The following ADAMTS17 variants were observed in gnomAD, a reference collection of about 807,000 sequenced individuals.
The protein encoded by ADAMTS17 is A disintegrin and metalloproteinase with thrombospondin motifs 17.
In ADAMTS17, 113 loss-of-function variants were observed where a neutral mutation model predicts 141.5. That is an observed-to-expected ratio of 0.80 (90% CI 0.69 to 0.93). The LOEUF (loss-of-function observed/expected upper bound fraction) is 0.93, where lower values mean the gene tolerates loss of function less well. Ranked by LOEUF, ADAMTS17 falls within the 40% of genes least tolerant of loss-of-function variation. The pLI is 0.00. For synonymous variants in ADAMTS17, 768 were observed against 630.6 expected, an observed-to-expected ratio of 1.22 and a Z score of -3.27; for missense variants, 1,659 against 1,517.9, an observed-to-expected ratio of 1.09 and a Z score of -1.54.
chr15:100,234,175 A>T (rs527367373), intron 7 of ADAMTS17, among the ~76,000 whole-genome samples: 3 of 152,288 alleles, frequency 2.0e-5, no homozygotes, highest in Admixed American at 1.3e-4. Context: ...TTGAAGGTGG[A>T]GTGGACAGGC....
intron 6 of ADAMTS17, among the ~76,000 whole-genome samples, chr15:100,258,111 T>C (rs1443777550): frequency 6.6e-6 from 1 of 152,268 alleles, no homozygotes; most frequent in Non-Finnish European, 1.5e-5. Context: ...TGTTTACCCA[T>C]TCATCCATCA....
chr15:100,336,408 T>C (rs551401084), intron 2 of ADAMTS17, among the ~76,000 whole-genome samples: 4 of 152,338 alleles, frequency 2.6e-5, no homozygotes, highest in African/African-American at 9.6e-5. Context: ...TTCCCTCCAA[T>C]ACTTCCGTGC....
chr15:100,138,846 A>AC (rs904358636), intron 10 of ADAMTS17, among the ~76,000 whole-genome samples: 1 of 152,134 alleles, frequency 6.6e-6, no homozygotes, highest in East Asian at 1.9e-4. Flanking sequence ...CCCTCGTGTG[A>AC]CCCCCTCCTC....
chr15:100,268,120 G>C (rs1242407828), intron 4 of ADAMTS17, among the ~76,000 whole-genome samples: 1 of 109,198 alleles, frequency 9.2e-6, no homozygotes, highest in Non-Finnish European at 1.9e-5. Flanking sequence ...TTGCTGCAAA[G>C]GACGTGAGTT....
At chr15:100,212,062 A>G (rs1314156461) in intron 7 of ADAMTS17, among the ~76,000 whole-genome samples, 2 of 152,176 alleles carry the variant, frequency 1.3e-5, no homozygotes, top group Non-Finnish European at 2.9e-5. Context: ...GAATCTCGGT[A>G]GCCTCTTATG....
intron 21 of ADAMTS17, among the ~76,000 whole-genome samples, 190 bp from the exon 22 acceptor site, chr15:99,974,752 A>T (rs987944775): frequency 3.0e-4 from 45 of 152,316 alleles, no homozygotes; most frequent in African/African-American, 9.9e-4. Context: ...ACAGGGATGC[A>T]CCTTTGCATC....
chr15:99,973,795 GAGAC>G lies in ADAMTS17; in HGVS notation c.*603_*606del. ...ATATATAGATTTACACTCCACGCAC[GAGAC>G]TTCCAAGGCAACACCTAGGATTTAG... On this transcript the variant is annotated 3_prime_UTR_variant, in exon 22 of 22. Coordinates refer to ENST00000268070, the MANE Select transcript of ADAMTS17 (RefSeq NM_139057.4). The G allele has an allele frequency of 1.1e-5, 2 of 182,134 alleles. No homozygotes were observed. Among genetic ancestry groups the G allele is most frequent in the Non-Finnish European group, 2.3e-5 (2 of 85,872 alleles). 11.3% of individuals were successfully genotyped at this position (182,134 alleles called of 1,614,324 possible). A position where few individuals can be genotyped will look rare whatever the true frequency, so the allele number is the denominator to read the frequency against.
At chr15:100,250,091 G>A (rs1346210912) in intron 7 of ADAMTS17, among the ~76,000 whole-genome samples, 3 of 152,052 alleles carry the variant, frequency 2.0e-5, no homozygotes, top group East Asian at 1.9e-4. Flanking sequence ...AAAAAAGCAC[G>A]ATTTAAAACA....
intron 8 of ADAMTS17, among the ~76,000 whole-genome samples, chr15:100,174,740 T>G (rs1194812395): frequency 6.6e-6 from 1 of 152,224 alleles, no homozygotes; most frequent in Non-Finnish European, 1.5e-5. Flanking sequence ...CTCTGGATTT[T>G]GGCTCAAAGC....
intron 20 of ADAMTS17, among the ~76,000 whole-genome samples, chr15:99,985,742 G>C (rs902255876): frequency 2.0e-5 from 3 of 152,198 alleles, no homozygotes; most frequent in African/African-American, 7.2e-5. Flanking sequence ...CTGAACCTCA[G>C]CTTGCTCATC....
chr15:99,975,750 C>T (rs929552128), intron 21 of ADAMTS17, among the ~76,000 whole-genome samples: 9 of 152,196 alleles, frequency 5.9e-5, no homozygotes, highest in African/African-American at 2.2e-4. Context: ...CTTCACATTC[C>T]TCATGCACAG....
At chr15:100,002,618 G>A (rs1040636781) in intron 18 of ADAMTS17, among the ~76,000 whole-genome samples, 3 of 151,982 alleles carry the variant, frequency 2.0e-5, no homozygotes, top group African/African-American at 7.3e-5. Context: ...AGAGGAACGT[G>A]GAAAAAGCAA....
intron 7 of ADAMTS17, among the ~76,000 whole-genome samples, chr15:100,226,558 C>A (rs565556996): frequency 6.6e-6 from 1 of 152,340 alleles, no homozygotes; most frequent in South Asian, 2.1e-4. Flanking sequence ...AGACTAGACA[C>A]CGAGTGGAAA....
chr15:100,109,228 T>G, intron 13 of ADAMTS17, 112 bp from the exon 14 acceptor site: 1 of 1,170,382 alleles, frequency 8.5e-7, no homozygotes, highest in South Asian at 1.4e-5. Context: ...TCCGCACAGG[T>G]CAGTAAAGGT....
chr15:100,123,491 C>T (rs1479209393), intron 12 of ADAMTS17, among the ~76,000 whole-genome samples: 1 of 152,198 alleles, frequency 6.6e-6, no homozygotes, highest in Non-Finnish European at 1.5e-5. Flanking sequence ...TCCCATGAGG[C>T]CTCCAGGGGA....
chr15:100,119,711 C>T (rs186250062), intron 12 of ADAMTS17, among the ~76,000 whole-genome samples: 325 of 152,352 alleles, frequency 2.1e-3, no homozygotes, highest in Middle Eastern at 0.01. Flanking sequence ...GGATACCACA[C>T]GTGCCTTGGC....
chr15:100,084,899 A>G (rs2034998380), intron 15 of ADAMTS17, among the ~76,000 whole-genome samples: 1 of 152,248 alleles, frequency 6.6e-6, no homozygotes, highest in Admixed American at 6.5e-5. Context: ...GGGAAAAAAC[A>G]GTGCAGAAAA....
In ADAMTS17 at chr15:100,105,425, G is replaced by A. The variant is rs535541669; in HGVS notation, c.2016+3564C>T. On this transcript the variant is annotated intron_variant, in intron 14 of 21. Transcript: ENST00000268070. The stretch of plus-strand genomic sequence containing the variant: ...GACAATGGTGGAGGCACTGGAAATA[G>A]ACAGGCTGGTCCTGGGGATGGAGTG... Among the ~76,000 whole-genome samples the A allele has an allele frequency of 3.3e-5, 5 of 152,336 alleles. No individual in the cohort carries two copies. In the South Asian group the frequency reaches 1.0e-3, roughly 32 times the overall value.
At chr15:100,305,067 A>C (rs2045175977) in intron 3 of ADAMTS17, among the ~76,000 whole-genome samples, 1 of 152,198 alleles carries the variant, frequency 6.6e-6, no homozygotes, top group Admixed American at 6.5e-5. Context: ...TAAGCAGTTA[A>C]GTTTCTGGAG....
Sources: allele counts gnomAD v4.1 joint callset (sites outside exome capture counted in the v4.1 genomes callset), GRCh38; gene constraint gnomAD v4.1.1; transcripts MANE v1.5; gene names NCBI Gene and HGNC (gene_info 2026-07-23, HGNC 2026-07-21).